Variants in KALRN observed in about 807,000 individuals in gnomAD.
The protein encoded by KALRN is kalirin RhoGEF kinase.
KALRN carries 70 observed loss-of-function variants against 353.7 expected under a neutral mutation model. The observed-to-expected ratio is 0.20, with a 90% CI of 0.16 to 0.24. KALRN has a LOEUF of 0.24. Ranked by LOEUF, KALRN falls within the 10% of genes least tolerant of loss-of-function variation. The pLI, the probability that KALRN is intolerant of heterozygous loss-of-function variation, is 1.00. For missense variants in KALRN, 2,791 were observed against 3,756.7 expected (o/e 0.74, Z 6.72); for synonymous variants, 1,391 against 1,434.8 (o/e 0.97, Z 0.69).
At chr3:124,308,531 GAATAGGTGGAAATTA>G (rs1235731066) in intron 6 of KALRN, among the ~76,000 whole-genome samples, 2 of 151,848 alleles carry the variant, frequency 1.3e-5, no homozygotes, top group Non-Finnish European at 2.9e-5. Context: ...AGAAATTCAC[GAATAGGTGGAAATTA>G]AATAACATCT....
intron 33 of KALRN, among the ~76,000 whole-genome samples, chr3:124,527,412 A>G (rs2067679744): frequency 6.6e-6 from 1 of 152,098 alleles, no homozygotes; most frequent in Admixed American, 6.5e-5. Context: ...GATCGAGACC[A>G]TCCTGGCTAA....
intron 5 of KALRN, among the ~76,000 whole-genome samples, chr3:124,278,356 A>G (rs1484990083): frequency 6.6e-6 from 1 of 151,928 alleles, no homozygotes; most frequent in Non-Finnish European, 1.5e-5. Context: ...GAGAAAAAGC[A>G]TGGAGGTGGT....
At chr3:124,153,923 G>A (rs1468733917) in intron 1 of KALRN, among the ~76,000 whole-genome samples, 1 of 152,108 alleles carries the variant, frequency 6.6e-6, no homozygotes, top group African/African-American at 2.4e-5. Context: ...CTTCTTTTGA[G>A]AAGTGTCTGT....
At chr3:124,184,333 AGAAGAATG>A (rs2073960399) in intron 1 of KALRN, among the ~76,000 whole-genome samples, 1 of 152,268 alleles carries the variant, frequency 6.6e-6, no homozygotes, top group Non-Finnish European at 1.5e-5. Flanking sequence ...TGAAGAGCTT[AGAAGAATG>A]TAAGTATTAC....
chr3:124,268,794 C>T lies in KALRN; in HGVS notation c.508C>T (p.Leu170=). ...CACAAAGCTGGTGGACCCCTCCCAG[C>T]TGACGGAGGAGTTTGATGGCTCCCT... ...GLTKLVDPSQ[L]TEEFDGSLDY... The change falls in exon 5 of 60, where the codon CTG becomes TTG. Residue 170 remains leucine, a synonymous_variant. Coordinates refer to ENST00000682506, the MANE Select transcript of KALRN (RefSeq NM_001388419.1). The T allele has an allele frequency of 6.2e-7, 1 of 1,614,184 alleles. No individual in the cohort carries two copies. Among genetic ancestry groups the T allele is most frequent in the Non-Finnish European group, 8.5e-7 (1 of 1,180,024 alleles).
At chr3:124,093,669 T>C (rs1262467651) in intron 1 of KALRN, among the ~76,000 whole-genome samples, 1 of 152,154 alleles carries the variant, frequency 6.6e-6, no homozygotes. Flanking sequence ...TAGTAATCAC[T>C]CGAGTAACTG....
intron 10 of KALRN, among the ~76,000 whole-genome samples, chr3:124,350,553 G>A (rs1013501261): frequency 2.0e-5 from 3 of 152,148 alleles, no homozygotes; most frequent in Non-Finnish European, 2.9e-5. Context: ...CCTTATTGAG[G>A]TATAGGAAGT....
chr3:124,178,884 C>T (rs568043667), intron 1 of KALRN, among the ~76,000 whole-genome samples: 3 of 152,182 alleles, frequency 2.0e-5, no homozygotes, highest in African/African-American at 7.2e-5. Context: ...AGGGGAGGAT[C>T]GCTTGAGGCC....
chr3:124,658,543 T>G (rs768481280), intron 42 of KALRN, 26 bp downstream of exon 42: 14 of 1,590,166 alleles, frequency 8.8e-6, no homozygotes, highest in Admixed American at 1.7e-5. Context: ...TTTGCTGAAC[T>G]GGGGTGGGAG....
chr3:124,080,163 A>C (rs2060469581), intron 1 of KALRN: 1 of 413,760 alleles, frequency 2.4e-6, no homozygotes, highest in South Asian at 1.8e-5. Context: ...AGTATGAGTT[A>C]GCTTTCTGTA....
At chr3:124,579,118 A>G (rs2074400718) in intron 34 of KALRN, among the ~76,000 whole-genome samples, 1 of 152,168 alleles carries the variant, frequency 6.6e-6, no homozygotes, top group Non-Finnish European at 1.5e-5. Context: ...AAAATGGCAT[A>G]TGTCTGTTAG....
intron 16 of KALRN, among the ~76,000 whole-genome samples, chr3:124,433,798 T>C (rs2093371101): frequency 6.6e-6 from 1 of 152,220 alleles, no homozygotes; most frequent in African/African-American, 2.4e-5. Context: ...TTCCTTCAAC[T>C]GGAATCTTTT....
chr3:124,512,710 T>C (rs1242464373), intron 33 of KALRN, among the ~76,000 whole-genome samples: 1 of 152,002 alleles, frequency 6.6e-6, no homozygotes, highest in African/African-American at 2.4e-5. Flanking sequence ...GGGGAATATG[T>C]ATGTGCACAT....
At chr3:124,409,727 T>C (rs1356441640) in intron 13 of KALRN, among the ~76,000 whole-genome samples, 2 of 152,170 alleles carry the variant, frequency 1.3e-5, no homozygotes, top group African/African-American at 4.8e-5. Context: ...TGAGCCTCTA[T>C]TGTCTTCCAG....
chr3:124,413,730 C>A, intron 14 of KALRN, 65 bp downstream of exon 14: 1 of 1,262,338 alleles, frequency 7.9e-7, no homozygotes, highest in Non-Finnish European at 1.1e-6. Context: ...ATCTAGCCTG[C>A]AAGGAGCAGT....
chr3:124,579,474 C>T (rs1022462310), intron 34 of KALRN, among the ~76,000 whole-genome samples: 3 of 152,142 alleles, frequency 2.0e-5, no homozygotes, highest in Admixed American at 6.5e-5. Flanking sequence ...AGCTCAGGAG[C>T]TTTTAGCCTG....
intron 33 of KALRN, among the ~76,000 whole-genome samples, chr3:124,543,444 G>A (rs1368531077): frequency 6.6e-6 from 1 of 151,812 alleles, no homozygotes; most frequent in Non-Finnish European, 1.5e-5. Context: ...TGGGACTACA[G>A]GCACCCATCA....
intron 1 of KALRN, among the ~76,000 whole-genome samples, chr3:124,194,598 GATT>G (rs1363965423): frequency 6.6e-6 from 1 of 152,152 alleles, no homozygotes; most frequent in African/African-American, 2.4e-5. Context: ...ACTTGCTATG[GATT>G]ATTAACTATA....
intron 1 of KALRN, among the ~76,000 whole-genome samples, chr3:124,151,714 A>G (rs1205894041): frequency 2.0e-5 from 3 of 152,088 alleles, no homozygotes; most frequent in South Asian, 2.1e-4. Context: ...ATTGTGGTCC[A>G]GTTTATTATT....
Sources: gnomAD v4.1 joint callset for allele counts (sites outside exome capture counted in the v4.1 genomes callset) on GRCh38, gnomAD v4.1.1 for gene constraint, MANE v1.5 for transcripts, NCBI Gene and HGNC (gene_info 2026-07-23, HGNC 2026-07-21) for gene names.